Variants in STK32B observed in about 807,000 individuals in gnomAD.
STK32B encodes the protein serine/threonine-protein kinase 32B.
A neutral mutation model predicts 52.6 loss-of-function variants in STK32B; 43 were observed. The observed-to-expected ratio is 0.82, with a 90% CI of 0.64 to 1.05. STK32B has a LOEUF of 1.05. Ranked by LOEUF, STK32B falls within the 50% of genes least tolerant of loss-of-function variation. STK32B has a pLI of 0.00. For synonymous variants in STK32B, 238 were observed against 204.3 expected, an observed-to-expected ratio of 1.17 and a Z score of -1.41; for missense variants, 621 against 534.6, an observed-to-expected ratio of 1.16 and a Z score of -1.59.
chr4:5,475,942 T>A (rs932745389), intron 11 of STK32B, among the ~76,000 whole-genome samples: 2 of 152,026 alleles, frequency 1.3e-5, no homozygotes, highest in Admixed American at 1.3e-4. Context: ...TCGCCCAGGC[T>A]GGAGTGCAAT....
At chr4:5,154,309 G>A (rs1290341329) in intron 2 of STK32B, among the ~76,000 whole-genome samples, 1 of 150,544 alleles carries the variant, frequency 6.6e-6, no homozygotes, top group Non-Finnish European at 1.5e-5. Flanking sequence ...TCTCCCTCCT[G>A]GGTTCAAGTG....
chr4:5,481,427 GTTGT>G (rs1295790115), intron 11 of STK32B, among the ~76,000 whole-genome samples: 2 of 152,100 alleles, frequency 1.3e-5, no homozygotes, highest in African/African-American at 2.4e-5. Flanking sequence ...TTTTGATAGG[GTTGT>G]TTGTTTTTTT....
intron 1 of STK32B, among the ~76,000 whole-genome samples, chr4:5,131,425 T>G (rs961709426): frequency 2.0e-5 from 3 of 152,226 alleles, no homozygotes; most frequent in Non-Finnish European, 2.9e-5. Context: ...CCAAACAGCT[T>G]AAACAAACAT....
chr4:5,455,942 A>C (rs1165631459), intron 7 of STK32B, among the ~76,000 whole-genome samples: 1 of 152,162 alleles, frequency 6.6e-6, no homozygotes, highest in Non-Finnish European at 1.5e-5. Flanking sequence ...CGTGCCAGGG[A>C]AACTGTTGTT....
intron 11 of STK32B, among the ~76,000 whole-genome samples, chr4:5,495,269 T>C (rs1455979069): frequency 1.3e-5 from 2 of 152,164 alleles, no homozygotes; most frequent in Non-Finnish European, 2.9e-5. Flanking sequence ...GAGGCTTTGT[T>C]CGTTTCTTTT....
intron 3 of STK32B, among the ~76,000 whole-genome samples, chr4:5,275,379 G>C (rs1201345387): frequency 6.6e-6 from 1 of 152,098 alleles, no homozygotes; most frequent in Non-Finnish European, 1.5e-5. Context: ...AATCTGCTTT[G>C]TTCATTTTAT....
intron 4 of STK32B, among the ~76,000 whole-genome samples, chr4:5,345,828 T>C (rs1050189531): frequency 1.3e-5 from 2 of 152,262 alleles, no homozygotes; most frequent in Non-Finnish European, 2.9e-5. Flanking sequence ...TGGATGACTC[T>C]CATGGAAAAA....
At chr4:5,365,643 A>G (rs906207352) in intron 4 of STK32B, among the ~76,000 whole-genome samples, 1 of 152,204 alleles carries the variant, frequency 6.6e-6, no homozygotes, top group Non-Finnish European at 1.5e-5. Context: ...CACCAGTTGC[A>G]TGAAAGTACA....
intron 7 of STK32B, among the ~76,000 whole-genome samples, chr4:5,454,026 G>T (rs1235184131): frequency 6.6e-6 from 1 of 152,044 alleles, no homozygotes. Flanking sequence ...CCGCAAACAT[G>T]CCCAGCAGCC....
At chr4:5,339,896 A>G (rs1223372855) in intron 4 of STK32B, among the ~76,000 whole-genome samples, 1 of 152,128 alleles carries the variant, frequency 6.6e-6, no homozygotes, top group African/African-American at 2.4e-5. Flanking sequence ...GTCTGGGGGA[A>G]CTGGCCTTGA....
chr4:5,021,399 G>C, the STK32B span, among the ~76,000 whole-genome samples: 1,011 of 152,310 alleles, frequency 6.6e-3, 8 homozygotes, highest in African/African-American at 0.023. Context: ...GCAAGTGGAG[G>C]CACAGATGTG....
intron 4 of STK32B, among the ~76,000 whole-genome samples, chr4:5,363,657 T>TAG (rs1734689154): frequency 6.6e-6 from 1 of 152,248 alleles, no homozygotes; most frequent in Admixed American, 6.5e-5. Context: ...AAACATGCTC[T>TAG]AATCAGCCAA....
At chr4:5,493,636 G>T (rs1045270228) in intron 11 of STK32B, among the ~76,000 whole-genome samples, 12 of 152,014 alleles carry the variant, frequency 7.9e-5, no homozygotes, top group Admixed American at 1.3e-4. Context: ...GGATGTGTTT[G>T]CTCTTGCTTC....
At chr4:5,282,072 A>G (rs763152134) in intron 3 of STK32B, among the ~76,000 whole-genome samples, 14 of 152,206 alleles carry the variant, frequency 9.2e-5, no homozygotes, top group Non-Finnish European at 1.8e-4. Flanking sequence ...GCTAACTAAC[A>G]TATCCATCAC....
At chr4:5,099,609 A>T (rs1375969196) in intron 1 of STK32B, among the ~76,000 whole-genome samples, 2 of 152,146 alleles carry the variant, frequency 1.3e-5, no homozygotes, top group Non-Finnish European at 2.9e-5. Context: ...TTTGTGATGG[A>T]GGTGGTCTAC....
At chr4:5,134,102 A>G (rs1250208376) in intron 1 of STK32B, among the ~76,000 whole-genome samples, 12 of 152,198 alleles carry the variant, frequency 7.9e-5, no homozygotes, top group African/African-American at 2.7e-4. Context: ...TCAGGCAGGA[A>G]ACAGAGATGC....
chr4:5,497,053 AT>A lies in STK32B; in HGVS notation c.1107-1883del, dbSNP rs549895547. The stretch of plus-strand genomic sequence containing the variant: ...TGAGGCAGTCTTTGAGTTTTCAACA[AT>A]TTTTTTTTAGCCTCAAGATATCAAT... On this transcript the variant is annotated intron_variant, in intron 11 of 11. Transcript: ENST00000282908. Among the ~76,000 whole-genome samples the A allele has an allele frequency of 1.4e-4, 21 of 151,646 alleles. No homozygotes were observed. The South Asian group carries it at 2.5e-3, about 18-fold the overall frequency.
Position 5,380,941 on chromosome 4 carries a change from C to T in STK32B, c.435-17266C>T, listed in dbSNP as rs970450090. Among the ~76,000 whole-genome samples, 28 of 152,108 alleles carry T rather than the reference C, an allele frequency of 1.8e-4. No individual in the cohort carries two copies. The highest frequency in any genetic ancestry group is 1.3e-4 in the Non-Finnish European group (9 of 68,024). On this transcript the variant is annotated intron_variant, in intron 4 of 11. Transcript: ENST00000282908. The surrounding 1 kb of genome is among the most constrained non-coding windows in gnomAD (Gnocchi z 4.3). ...CGTCATCATTATCCTCTCCAGCAGC[C>T]CACCCGTCCTCCCAACTCTCTGGCC...
intron 4 of STK32B, among the ~76,000 whole-genome samples, chr4:5,340,243 C>T (rs1386289284): frequency 6.6e-6 from 1 of 152,144 alleles, no homozygotes; most frequent in African/African-American, 2.4e-5. Context: ...GGATGATGAC[C>T]ATGACAGAGC....
Sources: allele counts gnomAD v4.1 joint callset (sites outside exome capture counted in the v4.1 genomes callset), GRCh38; gene constraint gnomAD v4.1.1; non-coding constraint Gnocchi (gnomAD v3.1); transcripts MANE v1.5; gene names NCBI Gene and HGNC (gene_info 2026-07-23, HGNC 2026-07-21).